Variants in DHX38 observed in about 807,000 individuals in gnomAD.
DHX38 encodes pre-mRNA-splicing factor ATP-dependent RNA helicase PRP16.
DHX38 carries 100 observed loss-of-function variants against 153.1 expected under a neutral mutation model. That is an observed-to-expected ratio of 0.65 (90% CI 0.56 to 0.77). DHX38 has a LOEUF of 0.77. Among genes scored for constraint, DHX38 ranks in the 30% least tolerant of loss-of-function variants. DHX38 has a pLI of 0.00. For missense variants in DHX38, 1,440 were observed against 1,654.0 expected, an observed-to-expected ratio of 0.87 and a Z score of 2.24; for synonymous variants, 650 against 631.7, an observed-to-expected ratio of 1.03 and a Z score of -0.43.
rs937863276 is a variant in DHX38, at chr16:72,099,196, T to G, written c.884-8T>G. On this transcript the variant is annotated splice_polypyrimidine_tract_variant and splice_region_variant and intron_variant, in intron 6 of 26. Coordinates refer to ENST00000268482, the MANE Select transcript of DHX38 (RefSeq NM_014003.4). The stretch of plus-strand genomic sequence containing the variant: ...GCATGGACTGACCTGCTTCCTGTGC[T>G]CCTCCAGGAAGACGTGAGGAGGGCG... 6.2e-7 allele frequency: 1 copy of G among 1,606,960 alleles called. No individual in the cohort carries two copies. Among genetic ancestry groups the G allele is most frequent in the Non-Finnish European group, 8.5e-7 (1 of 1,177,008 alleles).
In DHX38 at chr16:72,104,419, G is replaced by A. The variant is rs773441412; in HGVS notation, c.2011-67G>A. ...CTTGTGTTTCCTCGGGGGTGGTGCT[G>A]ATGGGACTGGGGGACAGGAGCCAAG... On this transcript the variant is annotated intron_variant, in intron 14 of 26. Coordinates refer to ENST00000268482, the MANE Select transcript of DHX38 (RefSeq NM_014003.4). The surrounding 1 kb of genome is among the most constrained non-coding windows in gnomAD (Gnocchi z 4.5). 6.3e-6 allele frequency: 10 copies of A among 1,595,682 alleles called. No individual in the cohort carries two copies. Among genetic ancestry groups the A allele is most frequent in the African/African-American group, 2.7e-5 (2 of 74,512 alleles).
At position 72,111,040 on chromosome 16, in the gene DHX38, C is replaced by T; in HGVS notation, c.3562C>T (p.Gln1188Ter). The change falls in exon 26 of 27, where the codon CAG becomes TAG. Residue 1188 changes from glutamine (Q) to a stop codon, truncating the protein, a stop_gained. Coordinates refer to ENST00000268482, the MANE Select transcript of DHX38 (RefSeq NM_014003.4). LOFTEE classifies it high-confidence loss of function. ...CGAGGAGCAGCTGCGAGCCCGGCGG[C>T]AGGAGCAGGAGAAGCGCAGCCCCCT... ...LAEEQLRARR[Q>*]EQEKRSPLGS... 1 of 1,576,212 alleles carries T rather than the reference C, an allele frequency of 6.3e-7. No individual in the cohort carries two copies. Among genetic ancestry groups the T allele is most frequent in the East Asian group, 2.3e-5 (1 of 42,938 alleles).
chr16:72,101,715 G>A, intron 11 of DHX38, 103 bp downstream of exon 11: 1 of 836,582 alleles, frequency 1.2e-6, no homozygotes, highest in Non-Finnish European at 1.9e-6. Context: ...CTGAGTGGGA[G>A]ACTCTTAGGA....
intron 4 of DHX38, 141 bp from the exon 5 acceptor site, chr16:72,098,504 C>G: frequency 9.0e-7 from 1 of 1,105,044 alleles, no homozygotes. Flanking sequence ...CTGTCAAAAC[C>G]GATCTTAACC....
At chr16:72,096,737 G>A in intron 2 of DHX38, 85 bp from the exon 3 acceptor site, 2 of 1,520,756 alleles carry the variant, frequency 1.3e-6, no homozygotes, top group Non-Finnish European at 1.8e-6. Flanking sequence ...GAAAAGGACA[G>A]ATCACTTGTT....
intron 16 of DHX38, 39 bp from the exon 17 acceptor site, chr16:72,105,193 A>G (rs771290991): frequency 1.5e-5 from 24 of 1,613,646 alleles, no homozygotes; most frequent in Non-Finnish European, 1.9e-5. Flanking sequence ...ATGAGAGGTT[A>G]GGGTTCCAGT....
Position 72,108,347 on chromosome 16 carries a change from A to T in DHX38, c.3085A>T (p.Asn1029Tyr), listed in dbSNP as rs752727050. Residue 1029 changes from asparagine to tyrosine, a missense_variant, in exon 22 of 27, where the codon AAC (asparagine) becomes TAC (tyrosine). Around this residue, in one of 6 missense-constraint regions of DHX38, gnomAD observed 543 missense variants for 717.9 expected, o/e 0.76. Transcript: ENST00000268482. ...KNNNYSTIWC[N>Y]DHFIHAKAMR... ...CAATAATTACTCCACCATCTGGTGT[A>T]ACGATCATTTCATCCATGCTAAGGC... is the stretch of plus-strand genomic sequence containing the variant. The T allele has an allele frequency of 6.2e-7, 1 of 1,614,214 alleles. No homozygotes were observed. Among genetic ancestry groups the T allele is most frequent in the Admixed American group, 1.7e-5 (1 of 60,034 alleles).
In DHX38 at chr16:72,096,874, G is replaced by C; in HGVS notation, c.376G>C (p.Glu126Gln). 2 of 1,614,016 alleles carry C rather than the reference G, an allele frequency of 1.2e-6. No individual in the cohort carries two copies. Among genetic ancestry groups the C allele is most frequent in the Non-Finnish European group, 1.7e-6 (2 of 1,179,932 alleles). ...ETPSHPGGVS[E>Q]EFWERSRQRE... Reference sequence around the variant, plus strand: ...TCCATCCCATCCGGGTGGTGTGAGCGAAGAGTTTTGGGAACGCAGTCGGCA... The same window carrying C: ...TCCATCCCATCCGGGTGGTGTGAGCCAAGAGTTTTGGGAACGCAGTCGGCA... The change falls in exon 3 of 27, where the codon GAA (glutamate) becomes CAA (glutamine). Residue 126 changes from glutamate (E) to glutamine (Q), a missense_variant. By Grantham distance (29) the Glu-to-Gln change is conservative. This residue lies in a region of DHX38 where 483 missense variants were observed against 465.1 expected (regional missense o/e 1.04). Transcript: ENST00000268482.
At chr16:72,097,585 A>T (rs2042038537) in intron 3 of DHX38, 92 bp from the exon 4 acceptor site, 6 of 1,217,942 alleles carry the variant, frequency 4.9e-6, no homozygotes, top group Non-Finnish European at 7.1e-6. Flanking sequence ...TGCACCTGTG[A>T]GTGAGTGGGC....
intron 26 of DHX38, among the ~76,000 whole-genome samples, chr16:72,111,841 G>A (rs1247719824): frequency 6.6e-6 from 1 of 152,188 alleles, no homozygotes; most frequent in Non-Finnish European, 1.5e-5. Flanking sequence ...TCATGTGGTA[G>A]AGCTCAGCCT....
intron 4 of DHX38, 68 bp downstream of exon 4, chr16:72,097,849 C>A: frequency 7.6e-7 from 1 of 1,323,296 alleles, no homozygotes; most frequent in Non-Finnish European, 1.1e-6. Context: ...TGACTCTCGT[C>A]TTCAGTGAGA....
chr16:72,107,935 G>T lies in DHX38; in HGVS notation c.2964+136G>T. 7.6e-7 allele frequency: 1 copy of T among 1,322,128 alleles called. No individual in the cohort carries two copies. The highest frequency in any genetic ancestry group is 1.0e-6 in the Non-Finnish European group (1 of 985,036). 81.9% of individuals were successfully genotyped at this position (1,322,128 alleles called of 1,614,324 possible). A position where few individuals can be genotyped will look rare whatever the true frequency, so the allele number is the denominator to read the frequency against. Reference sequence around the variant, plus strand: ...CTGAAGAATGATTTTGCTGTTCTCGGTTAAGCAGGTTGGGGTAGGGGAAAG... The same window carrying T: ...CTGAAGAATGATTTTGCTGTTCTCGTTTAAGCAGGTTGGGGTAGGGGAAAG... On this transcript the variant is annotated intron_variant, in intron 21 of 26. Coordinates refer to ENST00000268482, the MANE Select transcript of DHX38 (RefSeq NM_014003.4). The surrounding 1 kb of genome is among the most constrained non-coding windows in gnomAD (Gnocchi z 5.3).
rs781773082 is a variant in DHX38 at position 72,106,169 on chromosome 16, C to T, written c.2600+52C>T. On this transcript the variant is annotated intron_variant, in intron 19 of 26. Transcript: ENST00000268482. ...CTGGGGCAGCGCTGGGGTTGCTGAG[C>T]GTGGAGCCCGGGCGGGGGCGGGCAG... is the stretch of plus-strand genomic sequence containing the variant. 8.9e-6 allele frequency: 14 copies of T among 1,572,120 alleles called. No individual in the cohort carries two copies. The East Asian group carries it at 1.1e-4, about 13-fold the overall frequency.
chr16:72,104,889 A>C lies in DHX38; in HGVS notation c.2152-138A>C. On this transcript the variant is annotated intron_variant, in intron 15 of 26. Coordinates refer to ENST00000268482, the MANE Select transcript of DHX38 (RefSeq NM_014003.4). This position sits in a 1 kb window ranked among gnomAD's most constrained non-coding sequence, Gnocchi z 4.5. ...GCCCTCTTGTAGAGGCCTCGCAGTC[A>C]GGCCCATGTGGAGGTGTGGTGGCCC... 1.1e-6 allele frequency: 1 copy of C among 892,082 alleles called. No homozygotes were observed. 55.3% of individuals were successfully genotyped at this position (892,082 alleles called of 1,614,324 possible).
Position 72,097,021 on chromosome 16 carries a change from A to G in DHX38, c.511+12A>G, listed in dbSNP as rs114680015. The G allele has an allele frequency of 1.3e-3, 2,027 of 1,604,406 alleles. 25 individuals carry two copies. In the African/African-American group the frequency reaches 0.022, roughly 17 times the overall value. On this transcript the variant is annotated intron_variant, in intron 3 of 26. Transcript: ENST00000268482. ...CAAGAGGGACAGAGGTAAACTGTCC[A>G]GCACAGTTCCTATTGTCCATTAGCA...
rs1298336573 is a variant in DHX38 at position 72,108,660 on chromosome 16, A to G, written c.3255+53A>G. 6 of 1,597,160 alleles carry G rather than the reference A, an allele frequency of 3.8e-6. No homozygotes were observed. The East Asian group carries it at 9.0e-5, about 24-fold the overall frequency. The stretch of plus-strand genomic sequence containing the variant: ...CCCAGCCTGATACCTGTATAAGGGC[A>G]AAGTTCTTCCTTTGTCCTGGTGTGG... On this transcript the variant is annotated intron_variant, in intron 23 of 26. Transcript: ENST00000268482.
chr16:72,104,785 GACAA>G lies in DHX38; in HGVS notation c.2151+161_2151+164del, dbSNP rs1316131289. On this transcript the variant is annotated intron_variant, in intron 15 of 26. Coordinates refer to ENST00000268482, the MANE Select transcript of DHX38 (RefSeq NM_014003.4). The surrounding 1 kb of genome is among the most constrained non-coding windows in gnomAD (Gnocchi z 4.5). Reference sequence around the variant, plus strand: ...GCAGCCTGCAGCTCTGGGACTCGGGGACAAAGGACTCTGCTCTGGGTGAGGTTTT... The same window carrying G: ...GCAGCCTGCAGCTCTGGGACTCGGGGAGGACTCTGCTCTGGGTGAGGTTTT... Among the ~76,000 whole-genome samples the G allele has an allele frequency of 3.9e-5, 6 of 152,172 alleles. No individual in the cohort carries two copies. The highest frequency in any genetic ancestry group is 1.4e-4 in the African/African-American group (6 of 41,444).
rs975291814 is a variant in DHX38, at chr16:72,107,904, G to C, written c.2964+105G>C. 1 of 1,441,872 alleles carries C rather than the reference G, an allele frequency of 6.9e-7. No individual in the cohort carries two copies. The highest frequency in any genetic ancestry group is 1.4e-5 in the African/African-American group (1 of 70,464). The allele number at this position is 1,441,872 out of a possible 1,614,324, so 89.3% of individuals were successfully genotyped here. On this transcript the variant is annotated intron_variant, in intron 21 of 26. Transcript: ENST00000268482. The surrounding 1 kb of genome is among the most constrained non-coding windows in gnomAD (Gnocchi z 5.3). ...TGAAATGGAACAGAGGGCAGAATCAGAGTTTCTGAAGAATGATTTTGCTGT... is the reference window on the plus strand; with the variant it reads ...TGAAATGGAACAGAGGGCAGAATCACAGTTTCTGAAGAATGATTTTGCTGT...
intron 12 of DHX38, 136 bp downstream of exon 12, chr16:72,103,347 T>C (rs533481129): frequency 2.1e-5 from 26 of 1,245,666 alleles, no homozygotes; most frequent in East Asian, 1.2e-4. Flanking sequence ...TCTGACCTCA[T>C]GCCTGGGGTA....
Sources: allele counts gnomAD v4.1 joint callset (sites outside exome capture counted in the v4.1 genomes callset), GRCh38; gene constraint gnomAD v4.1.1; regional missense constraint gnomAD v4.1.1; non-coding constraint Gnocchi (gnomAD v3.1); transcripts MANE v1.5; gene names NCBI Gene and HGNC (gene_info 2026-07-23, HGNC 2026-07-21).